ATXN7: variants seen among roughly 807,000 people sequenced by gnomAD.
The protein encoded by ATXN7 is ataxin 7.
In ATXN7, 12 loss-of-function variants were observed where a neutral mutation model predicts 70.5. The observed-to-expected ratio is 0.17, with a 90% CI of 0.11 to 0.28. ATXN7 has a LOEUF of 0.28. ATXN7 is among the 10% of genes least tolerant of loss of function. The pLI is 1.00. For missense variants in ATXN7, 1,256 were observed against 1,131.7 expected (o/e 1.11, Z -1.58); for synonymous variants, 498 against 448.7 (o/e 1.11, Z -1.39).
Position 63,952,488 on chromosome 3 carries a change from G to A in ATXN7, c.499+5G>A, listed in dbSNP as rs2074970777. 6.3e-7 allele frequency: 1 copy of A among 1,580,272 alleles called. No individual in the cohort carries two copies. Among genetic ancestry groups the A allele is most frequent in the Non-Finnish European group, 8.6e-7 (1 of 1,160,830 alleles). ...AGGCATTTCAATCACATTATGGTAA[G>A]TGCTTAACCATTTAAAAAATTGTTA... On this transcript the variant is annotated splice_donor_5th_base_variant and intron_variant, in intron 5 of 12. Transcript: ENST00000674280.
intron 11 of ATXN7, among the ~76,000 whole-genome samples, chr3:63,993,646 A>G (rs142678182): frequency 6.6e-6 from 1 of 152,206 alleles, no homozygotes; most frequent in South Asian, 2.1e-4. Flanking sequence ...TACACAAAAG[A>G]GTAATTAACT....
In ATXN7 at chr3:63,982,922, C is replaced by A. The variant is rs201714944; in HGVS notation, c.1013-17C>A. On this transcript the variant is annotated splice_polypyrimidine_tract_variant and intron_variant, in intron 7 of 12. Coordinates refer to ENST00000674280, the MANE Select transcript of ATXN7 (RefSeq NM_001377405.1). ...GAGTTTGTCAGGCCACATGTAATGC[C>A]TGTGTTCTTTTGACAGAAAGAGAGT... The A allele has an allele frequency of 2.4e-5, 39 of 1,605,004 alleles. No homozygotes were observed. The highest frequency in any genetic ancestry group is 3.2e-5 in the Non-Finnish European group (37 of 1,172,046).
At chr3:63,965,299 G>C (rs1431672808) in intron 5 of ATXN7, among the ~76,000 whole-genome samples, 1 of 152,156 alleles carries the variant, frequency 6.6e-6, no homozygotes. Context: ...GGAGGAGGCA[G>C]TATCAGTCCT....
At chr3:63,998,138 A>G in intron 12 of ATXN7, 1 of 981,850 alleles carries the variant, frequency 1.0e-6, no homozygotes, top group Non-Finnish European at 1.2e-6. Flanking sequence ...ATTAGTGAGC[A>G]CACTGTCTTC....
In ATXN7 at chr3:64,001,621, T is replaced by A. The variant is rs1484865975; in HGVS notation, c.*2154T>A. 3.9e-5 allele frequency: 6 copies of A among 152,322 alleles called. No homozygotes were observed. Among genetic ancestry groups the A allele is most frequent in the African/African-American group, 1.4e-4 (6 of 41,570 alleles). 9.4% of individuals were successfully genotyped at this position (152,322 alleles called of 1,614,324 possible). A position where few individuals can be genotyped will look rare whatever the true frequency, so the allele number is the denominator to read the frequency against. On this transcript the variant is annotated 3_prime_UTR_variant, in exon 13 of 13. Transcript: ENST00000674280. ...TGTAGATATTTAGATTAGCAAGTATTGAACATTTGATTTCTTAGACTGAGG... is the reference window on the plus strand; with the variant it reads ...TGTAGATATTTAGATTAGCAAGTATAGAACATTTGATTTCTTAGACTGAGG...
intron 1 of ATXN7, among the ~76,000 whole-genome samples, chr3:63,865,950 AGTT>A (rs1490532908): frequency 1.4e-5 from 2 of 147,416 alleles, no homozygotes; most frequent in Non-Finnish European, 3.0e-5. Flanking sequence ...TGTGGTGAAA[AGTT>A]TTTTTTAAGT....
Position 63,999,439 on chromosome 3 carries a change from T to C in ATXN7, c.2662-11T>C, listed in dbSNP as rs2075810509. 6.2e-7 allele frequency: 1 copy of C among 1,610,216 alleles called. No individual in the cohort carries two copies. The highest frequency in any genetic ancestry group is 8.5e-7 in the Non-Finnish European group (1 of 1,176,566). ...CATTTCATTATTTCCCCACCCCCTC[T>C]TTTTTGAAAGCCAAAGGCACGTCCC... is the stretch of plus-strand genomic sequence containing the variant. On this transcript the variant is annotated splice_polypyrimidine_tract_variant and intron_variant, in intron 12 of 12. Coordinates refer to ENST00000674280, the MANE Select transcript of ATXN7 (RefSeq NM_001377405.1).
At chr3:63,935,823 T>G (rs1304335090) in intron 4 of ATXN7, among the ~76,000 whole-genome samples, 3 of 152,220 alleles carry the variant, frequency 2.0e-5, no homozygotes, top group Admixed American at 6.5e-5. Flanking sequence ...TTGATCATTT[T>G]ACTGCATTTT....
At chr3:63,958,043 G>A (rs1157404680) in intron 5 of ATXN7, among the ~76,000 whole-genome samples, 2 of 152,182 alleles carry the variant, frequency 1.3e-5, no homozygotes, top group African/African-American at 4.8e-5. Context: ...AGGCTTCAGT[G>A]TAAAACATCT....
Position 63,935,311 on chromosome 3 carries a change from C to T in ATXN7, c.395-17068C>T, listed in dbSNP as rs115117925. 5.8e-3 allele frequency among the ~76,000 whole-genome samples: 889 copies of T among 152,230 alleles called. 11 individuals carry two copies. Among genetic ancestry groups the T allele is most frequent in the African/African-American group, 0.019 (798 of 41,538 alleles). On this transcript the variant is annotated intron_variant, in intron 4 of 12. Transcript: ENST00000674280. ...CCTATCTTGAGTTTCACTGGTATTGCACAGTGGCACCTATGAAGTTCCAGA... is the reference window on the plus strand; with the variant it reads ...CCTATCTTGAGTTTCACTGGTATTGTACAGTGGCACCTATGAAGTTCCAGA...
At chr3:63,996,994 C>T (rs112674299) in intron 12 of ATXN7, among the ~76,000 whole-genome samples, 24,800 of 152,158 alleles carry the variant, frequency 0.16, 2,235 homozygotes, top group East Asian at 0.34. Context: ...CAGCGGCTCA[C>T]GCCTATAATC....
rs181258860 is a variant in ATXN7 at position 63,927,159 on chromosome 3, A to G, written c.394+13934A>G. On this transcript the variant is annotated intron_variant, in intron 4 of 12. Transcript: ENST00000674280. ...GTGCCTTTATAGTAGAATGATTTAT[A>G]ATACTTTGGGTATATACCTAGTAAT... 5.9e-5 allele frequency among the ~76,000 whole-genome samples: 9 copies of G among 152,346 alleles called. No homozygotes were observed. In the East Asian group the frequency reaches 1.7e-3, roughly 29 times the overall value.
At chr3:63,925,759 A>G (rs1704692486) in intron 4 of ATXN7, among the ~76,000 whole-genome samples, 1 of 152,170 alleles carries the variant, frequency 6.6e-6, no homozygotes, top group South Asian at 2.1e-4. Flanking sequence ...GGGGTGAAGA[A>G]GTAGAGATCA....
intron 4 of ATXN7, among the ~76,000 whole-genome samples, chr3:63,918,933 G>A (rs923696255): frequency 4.6e-5 from 7 of 152,138 alleles, no homozygotes; most frequent in Admixed American, 3.9e-4. Flanking sequence ...GAGAATCAGC[G>A]TGGCCGTGAC....
At chr3:63,908,827 C>T (rs1189444081) in intron 2 of ATXN7, among the ~76,000 whole-genome samples, 3 of 152,148 alleles carry the variant, frequency 2.0e-5, no homozygotes, top group Non-Finnish European at 2.9e-5. Context: ...GACTTGTTAG[C>T]CTTGGCATCT....
At chr3:63,917,108 C>T (rs1421548747) in intron 4 of ATXN7, among the ~76,000 whole-genome samples, 13 of 151,924 alleles carry the variant, frequency 8.6e-5, no homozygotes, top group African/African-American at 3.1e-4. Context: ...TTAGTAGAGA[C>T]GGGGTTTCAC....
rs925819675 is a variant in ATXN7, at chr3:64,001,964, A to G, written c.*2497A>G. On this transcript the variant is annotated 3_prime_UTR_variant, in exon 13 of 13. Transcript: ENST00000674280. Reference sequence around the variant, plus strand: ...CAAGATAATTTTTATATTCTTTCCAATAGAATTTCATGACAACTCCTGCAG... The same window carrying G: ...CAAGATAATTTTTATATTCTTTCCAGTAGAATTTCATGACAACTCCTGCAG... The G allele has an allele frequency of 3.0e-4, 46 of 152,404 alleles. No homozygotes were observed. Among genetic ancestry groups the G allele is most frequent in the African/African-American group, 1.1e-3 (44 of 41,500 alleles). The allele number at this position is 152,404 out of a possible 1,614,324, so 9.4% of individuals were successfully genotyped here.
At chr3:63,879,546 C>T (rs200564548) in intron 1 of ATXN7, among the ~76,000 whole-genome samples, 1 of 146,378 alleles carries the variant, frequency 6.8e-6, no homozygotes, top group African/African-American at 2.5e-5. Context: ...AAATGAAGTA[C>T]AGTGGCGCGA....
intron 1 of ATXN7, chr3:63,873,970 G>A (rs1000738827): frequency 2.0e-5 from 3 of 152,076 alleles, no homozygotes; most frequent in African/African-American, 7.3e-5. Flanking sequence ...CAAAATGCTA[G>A]GATTATAGGC....
Sources: gnomAD v4.1 joint callset for allele counts (sites outside exome capture counted in the v4.1 genomes callset) on GRCh38, gnomAD v4.1.1 for gene constraint, MANE v1.5 for transcripts, NCBI Gene and HGNC (gene_info 2026-07-23, HGNC 2026-07-21) for gene names.